ALLC: variants seen among roughly 807,000 people sequenced by gnomAD.
ALLC encodes allantoicase.
Under a neutral mutation model 45.0 loss-of-function variants are expected in ALLC, and 40 were observed. The ratio of observed to expected loss-of-function variants is 0.89; its 90% CI spans 0.69 to 1.16. The LOEUF (loss-of-function observed/expected upper bound fraction) is 1.16, where lower values mean the gene tolerates loss of function less well. ALLC is among the 50% of genes most tolerant of loss of function. ALLC has a pLI of 0.00. For missense variants in ALLC, 488 were observed against 493.1 expected (o/e 0.99, Z 0.10); for synonymous variants, 176 against 178.1 (o/e 0.99, Z 0.09).
rs764944232 is a variant in ALLC, at chr2:3,679,964, G to A, written c.268G>A (p.Val90Met). The change falls in exon 5 of 12, where the codon GTG (valine) becomes ATG (methionine). Residue 90 changes from valine (V) to methionine (M), a missense_variant. Coordinates refer to ENST00000252505, the MANE Select transcript of ALLC (RefSeq NM_018436.4). The part of the protein sequence containing the change: ...SYFTGDYAPR[V>M]SIQAANLEED... ...CTTCACGGGAGATTACGCTCCTCGA[G>A]TGTCCATTCAAGCAGCAAACTTGGA... 4.3e-6 allele frequency: 7 copies of A among 1,613,872 alleles called. No individual in the cohort carries two copies. The highest frequency in any genetic ancestry group is 3.3e-5 in the Admixed American group (2 of 60,006).
chr2:3,687,426 T>G (rs1667357924), intron 7 of ALLC, among the ~76,000 whole-genome samples: 1 of 150,998 alleles, frequency 6.6e-6, no homozygotes, highest in African/African-American at 2.4e-5. Flanking sequence ...TTTGTCTGGT[T>G]TTGGTATCAG....
the ALLC span, among the ~76,000 whole-genome samples, chr2:3,647,012 C>G: frequency 7.8e-4 from 118 of 152,110 alleles, no homozygotes; most frequent in South Asian, 1.7e-3. Flanking sequence ...ACAGGCTGTG[C>G]CCTGCTGTCC....
chr2:3,653,987 CT>C (rs1666388843), upstream of ALLC, among the ~76,000 whole-genome samples: 1 of 152,202 alleles, frequency 6.6e-6, no homozygotes, highest in African/African-American at 2.4e-5. The surrounding 1 kb of genome is among the most constrained non-coding windows in gnomAD (Gnocchi z 4.1). Flanking sequence ...TTGGGAGCAG[CT>C]TTGCTGGGTG....
At chr2:3,682,645 C>G (rs945471438) in intron 6 of ALLC, among the ~76,000 whole-genome samples, 2 of 152,278 alleles carry the variant, frequency 1.3e-5, no homozygotes, top group African/African-American at 4.8e-5. Context: ...CCTGCCTCAG[C>G]CTCCCGAGTA....
In ALLC at chr2:3,702,426, C is replaced by G. The variant is rs528768219; in HGVS notation, c.1039C>G (p.His347Asp). 1 of 1,613,168 alleles carries G rather than the reference C, an allele frequency of 6.2e-7. No individual in the cohort carries two copies. Among genetic ancestry groups the G allele is most frequent in the South Asian group, 1.1e-5 (1 of 91,012 alleles). ...CCTAGAGCTCCAAGATGTCATCACT[C>G]ACGCCAGGCTCACCATCGTCCCCGA... is the stretch of plus-strand genomic sequence containing the variant. ...LTLELQDVIT[H>D]ARLTIVPDGG... The change falls in exon 12 of 12, where the codon CAC (histidine) becomes GAC (aspartate). Residue 347 changes from histidine (H) to aspartate (D), a missense_variant. Coordinates refer to ENST00000252505, the MANE Select transcript of ALLC (RefSeq NM_018436.4).
chr2:3,685,255 G>A (rs183510879), intron 7 of ALLC, among the ~76,000 whole-genome samples: 11 of 138,914 alleles, frequency 7.9e-5, no homozygotes, highest in Admixed American at 1.4e-4. Flanking sequence ...AAATAAAAGC[G>A]GTATTACTCT....
chr2:3,682,979 C>G lies in ALLC; in HGVS notation c.416C>G (p.Thr139Ser). ...GACTGGAGTTACTTGGTTCCCATGA[C>G]TGAGCTTAAGCCAGGAAACCCTGCT... The part of the protein sequence containing the change: ...SDDWSYLVPM[T>S]ELKPGNPASG... Residue 139 changes from threonine (T) to serine (S), a missense_variant, in exon 7 of 12, where the codon ACT becomes AGT. Transcript: ENST00000252505. 1.9e-6 allele frequency: 3 copies of G among 1,613,884 alleles called. No homozygotes were observed. The highest frequency in any genetic ancestry group is 2.5e-6 in the Non-Finnish European group (3 of 1,179,808).
intron 1 of ALLC, among the ~76,000 whole-genome samples, chr2:3,660,998 G>A (rs1408162803): frequency 1.3e-5 from 2 of 152,146 alleles, no homozygotes; most frequent in Non-Finnish European, 2.9e-5. Flanking sequence ...AGAAATTTAG[G>A]ACTTATATCT....
chr2:3,699,773 T>C (rs1206394591), intron 10 of ALLC, among the ~76,000 whole-genome samples: 1 of 152,250 alleles, frequency 6.6e-6, no homozygotes, highest in Non-Finnish European at 1.5e-5. Context: ...TTTTTTCATA[T>C]GCTTGTTGGC....
upstream of ALLC, among the ~76,000 whole-genome samples, chr2:3,657,223 GA>G (rs1232246844): frequency 1.4e-5 from 2 of 139,030 alleles, no homozygotes. Context: ...GCGGGGCTGA[GA>G]GACGGGCTGG....
rs759296545 is a variant in ALLC at position 3,697,362 on chromosome 2, C to T, written c.756C>T (p.Gly252=). 1 of 1,613,598 alleles carries T rather than the reference C, an allele frequency of 6.2e-7. No individual in the cohort carries two copies. Among genetic ancestry groups the T allele is most frequent in the South Asian group, 1.1e-5 (1 of 91,066 alleles). Residue 252 remains glycine (G), a synonymous_variant, in exon 10 of 12, where the codon GGC becomes GGT. Transcript: ENST00000252505. ...RPPILENDEN[G]ILLVPGCEWA... is the part of the protein sequence containing the mutation. ...CTGAATTCCAGAATGATGAGAATGG[C>T]ATTCTCTTGGTTCCGGGTTGTGAAT...
chr2:3,649,438 T>C, the ALLC span, among the ~76,000 whole-genome samples: 25 of 152,272 alleles, frequency 1.6e-4, no homozygotes, highest in Non-Finnish European at 3.5e-4. Flanking sequence ...AGACGGGGTT[T>C]CACCGTGTTA....
intron 1 of ALLC, among the ~76,000 whole-genome samples, chr2:3,665,466 C>T (rs1666681082): frequency 1.3e-5 from 2 of 152,160 alleles, no homozygotes; most frequent in Middle Eastern, 3.2e-3. Flanking sequence ...TGCTCCTCCT[C>T]CCCCCACCCC....
chr2:3,680,132 C>T lies in ALLC; in HGVS notation c.298+138C>T, dbSNP rs539031462. On this transcript the variant is annotated intron_variant, in intron 5 of 11. Coordinates refer to ENST00000252505, the MANE Select transcript of ALLC (RefSeq NM_018436.4). This position sits in a 1 kb window ranked among gnomAD's most constrained non-coding sequence, Gnocchi z 4.0. ...CTTGACTAAGGCTACTTTACTGTAA[C>T]GGGGCTGTAGGACCAGGACTCCTAG... 92 of 1,229,438 alleles carry T rather than the reference C, an allele frequency of 7.5e-5. No individual in the cohort carries two copies. The South Asian group carries it at 8.1e-4, about 11-fold the overall frequency. The allele number at this position is 1,229,438 out of a possible 1,614,324, so 76.2% of individuals were successfully genotyped here. A position where few individuals can be genotyped will look rare whatever the true frequency, so the allele number is the denominator to read the frequency against.
chr2:3,655,282 C>T (rs1666415111), upstream of ALLC, among the ~76,000 whole-genome samples: 1 of 152,250 alleles, frequency 6.6e-6, no homozygotes, highest in South Asian at 2.1e-4. Context: ...AGAAGTGAGC[C>T]ACTGGGCTCC....
the ALLC span, among the ~76,000 whole-genome samples, chr2:3,645,899 A>G: frequency 2.0e-5 from 3 of 152,048 alleles, no homozygotes; most frequent in African/African-American, 7.2e-5. This position sits in a 1 kb window ranked among gnomAD's most constrained non-coding sequence, Gnocchi z 4.3. Flanking sequence ...GCTGGCTCCC[A>G]GGGGTGGGTG....
At position 3,695,718 on chromosome 2, in the gene ALLC, T is replaced by C. The variant is rs780830343; in HGVS notation, c.513T>C (p.Asp171=). The change falls in exon 8 of 12, where the codon GAT becomes GAC. Residue 171 remains aspartate, a splice_region_variant and synonymous_variant. Coordinates refer to ENST00000252505, the MANE Select transcript of ALLC (RefSeq NM_018436.4). ...AACTAAGGCACCTTTCCTTTTCAGATGGTGGAATTGCACGACTTAGAGTAT... is the reference window on the plus strand; with the variant it reads ...AACTAAGGCACCTTTCCTTTTCAGACGGTGGAATTGCACGACTTAGAGTAT... The part of the protein sequence containing the change: ...WTHIRLNIFP[D]GGIARLRVFG... 5 of 1,613,982 alleles carry C rather than the reference T, an allele frequency of 3.1e-6. No individual in the cohort carries two copies. Among genetic ancestry groups the C allele is most frequent in the Non-Finnish European group, 3.4e-6 (4 of 1,179,874 alleles).
intron 2 of ALLC, among the ~76,000 whole-genome samples, chr2:3,671,829 G>A (rs1337022840): frequency 2.6e-5 from 3 of 115,750 alleles, no homozygotes; most frequent in East Asian, 2.4e-4. Context: ...CTCTGGCTCT[G>A]GTTAGATTGG....
At chr2:3,656,615 G>A (rs868667684), upstream of ALLC, among the ~76,000 whole-genome samples, 30 of 152,368 alleles carry the variant, frequency 2.0e-4, no homozygotes, top group Middle Eastern at 6.8e-3. Context: ...GCAGAGCCCT[G>A]TGCTCAACCT....
Sources: gnomAD v4.1 joint callset for allele counts (sites outside exome capture counted in the v4.1 genomes callset) on GRCh38, gnomAD v4.1.1 for gene constraint, Gnocchi (gnomAD v3.1) non-coding constraint, MANE v1.5 for transcripts, NCBI Gene and HGNC (gene_info 2026-07-23, HGNC 2026-07-21) for gene names.